ARHGAP26: variants seen among roughly 807,000 people sequenced by gnomAD.
ARHGAP26 encodes rho GTPase-activating protein 26.
In ARHGAP26, 38 loss-of-function variants were observed where a neutral mutation model predicts 104.8. That is an observed-to-expected ratio of 0.36 (90% CI 0.28 to 0.48). The LOEUF is 0.48. Among genes scored for constraint, ARHGAP26 ranks in the 20% least tolerant of loss-of-function variants. ARHGAP26 has a pLI of 0.99. For missense variants in ARHGAP26, 704 were observed against 947.9 expected (o/e 0.74, Z 3.38); for synonymous variants, 341 against 340.0 (o/e 1.00, Z -0.03).
chr5:143,038,431 G>A (rs563647326), intron 13 of ARHGAP26, among the ~76,000 whole-genome samples: 2 of 152,222 alleles, frequency 1.3e-5, no homozygotes, highest in East Asian at 1.9e-4. Context: ...AAGGCATCTT[G>A]TAAAGGTATG....
chr5:143,068,557 G>A (rs1322933766), intron 17 of ARHGAP26, among the ~76,000 whole-genome samples: 1 of 152,154 alleles, frequency 6.6e-6, no homozygotes, highest in African/African-American at 2.4e-5. Context: ...TGCTTGAGTA[G>A]TTTCTCCCTC....
At chr5:143,028,573 T>C (rs1045396579) in intron 12 of ARHGAP26, among the ~76,000 whole-genome samples, 1 of 152,206 alleles carries the variant, frequency 6.6e-6, no homozygotes, top group African/African-American at 2.4e-5. Flanking sequence ...CTAGGTAATA[T>C]TGGTCATGAT....
rs1333427438 is a variant in ARHGAP26 at position 143,014,174 on chromosome 5, G to A, written c.1144+58G>A. The stretch of plus-strand genomic sequence containing the variant: ...CAGGGTTGGGAGTAGGCTTTGAGAA[G>A]TTGCTACTCCAGGTGTGAACCACCA... On this transcript the variant is annotated intron_variant, in intron 12 of 22. Coordinates refer to ENST00000645722, the MANE Select transcript of ARHGAP26 (RefSeq NM_001135608.3). The A allele has an allele frequency of 1.1e-5, 17 of 1,592,768 alleles. No individual in the cohort carries two copies. In the Admixed American group the frequency reaches 2.8e-4, roughly 27 times the overall value.
chr5:143,120,017 A>G (rs1292324725), intron 17 of ARHGAP26, among the ~76,000 whole-genome samples: 4 of 152,210 alleles, frequency 2.6e-5, no homozygotes, highest in Non-Finnish European at 2.9e-5. Flanking sequence ...CAAACTGCCT[A>G]TCTCTACCCA....
intron 11 of ARHGAP26, among the ~76,000 whole-genome samples, chr5:142,997,573 C>A (rs1425562643): frequency 4.2e-5 from 5 of 117,866 alleles, no homozygotes; most frequent in African/African-American, 1.5e-4. Context: ...CCATGCCTGG[C>A]TGATTTTTTT....
rs190243034 is a variant in ARHGAP26, at chr5:143,074,534, C to A, written c.1538+16787C>A. On this transcript the variant is annotated intron_variant, in intron 17 of 22. Transcript: ENST00000645722. ...AAAAATGCAAAGAAGAGTAATACTT[C>A]ATGACACATGAACATTATATGAAAG... 9.8e-5 allele frequency among the ~76,000 whole-genome samples: 15 copies of A among 152,302 alleles called. 1 individual carries two copies. The East Asian group carries it at 2.9e-3, about 29-fold the overall frequency.
At position 142,871,002 on chromosome 5, in the gene ARHGAP26, G is replaced by T. The variant is rs112208446; in HGVS notation, c.155-2398G>T. Among the ~76,000 whole-genome samples, 2,713 of 152,318 alleles carry T rather than the reference G, an allele frequency of 0.018. 83 individuals are homozygous for T. Among genetic ancestry groups the T allele is most frequent in the African/African-American group, 0.061 (2,548 of 41,556 alleles). On this transcript the variant is annotated intron_variant, in intron 1 of 22. Transcript: ENST00000645722. The surrounding 1 kb of genome is among the most constrained non-coding windows in gnomAD (Gnocchi z 4.1). ...ACTGAAAAATTCCTCTATCAAGCCT[G>T]AGGTGAGTTCCTTTTTCAGGTCCAT...
At chr5:143,052,585 G>A (rs1785201396) in intron 14 of ARHGAP26, among the ~76,000 whole-genome samples, 1 of 152,128 alleles carries the variant, frequency 6.6e-6, no homozygotes, top group East Asian at 1.9e-4. Context: ...CAGGTACTGT[G>A]CCTTTGAGAG....
intron 17 of ARHGAP26, among the ~76,000 whole-genome samples, chr5:143,088,717 C>T (rs893616668): frequency 5.9e-5 from 9 of 152,182 alleles, no homozygotes; most frequent in East Asian, 3.8e-4. Flanking sequence ...CAGCGGTGAG[C>T]GCACACTTTG....
intron 1 of ARHGAP26, among the ~76,000 whole-genome samples, chr5:142,839,615 C>T (rs1770340363): frequency 6.6e-6 from 1 of 151,956 alleles, no homozygotes; most frequent in Admixed American, 6.5e-5. Flanking sequence ...AAAGAGAGAC[C>T]TCATATAGGT....
rs770042590 is a variant in ARHGAP26, at chr5:142,861,564, C to T, written c.155-11836C>T. On this transcript the variant is annotated intron_variant, in intron 1 of 22. Transcript: ENST00000645722. ...CTGTGTGGACTGACGGTGAGGAGGG[C>T]GAGAGGGAGTCAAAGTGGTAGGGGC... 3.2e-4 allele frequency among the ~76,000 whole-genome samples: 49 copies of T among 152,010 alleles called. 1 individual carries two copies. Among genetic ancestry groups the T allele is most frequent in the Middle Eastern group, 3.4e-3 (1 of 294 alleles).
intron 17 of ARHGAP26, among the ~76,000 whole-genome samples, chr5:143,079,055 T>G (rs549312464): frequency 5.9e-5 from 9 of 152,258 alleles, no homozygotes; most frequent in Non-Finnish European, 1.2e-4. Flanking sequence ...CTTTATCTTA[T>G]CATGTGTTTA....
At chr5:143,000,604 A>G (rs1457034155) in intron 11 of ARHGAP26, among the ~76,000 whole-genome samples, 3 of 152,244 alleles carry the variant, frequency 2.0e-5, no homozygotes, top group African/African-American at 7.2e-5. Context: ...ACTATTTACA[A>G]TAGCAAAGAC....
rs987907863 is a variant in ARHGAP26 at position 143,227,249 on chromosome 5, G to A, written c.*4803G>A. On this transcript the variant is annotated 3_prime_UTR_variant, in exon 23 of 23. Coordinates refer to ENST00000645722, the MANE Select transcript of ARHGAP26 (RefSeq NM_001135608.3). ...CATGTTCCCCAAGTAGGTAGCCAGC[G>A]CTGCAGAAACCAAACAGCCTCTTAG... The A allele has an allele frequency of 4.4e-6, 1 of 229,634 alleles. No homozygotes were observed. The highest frequency in any genetic ancestry group is 8.6e-6 in the Non-Finnish European group (1 of 115,886). The allele number at this position is 229,634 out of a possible 1,614,324, so 14.2% of individuals were successfully genotyped here. A position where few individuals can be genotyped will look rare whatever the true frequency, so the allele number is the denominator to read the frequency against.
chr5:143,048,775 G>A (rs555597441), intron 14 of ARHGAP26, among the ~76,000 whole-genome samples: 8 of 151,674 alleles, frequency 5.3e-5, no homozygotes, highest in South Asian at 2.1e-4. Context: ...TTAGCCAGGC[G>A]TGGTGGTGCA....
intron 7 of ARHGAP26, among the ~76,000 whole-genome samples, chr5:142,902,986 G>A (rs1410641356): frequency 6.6e-6 from 1 of 152,196 alleles, no homozygotes; most frequent in African/African-American, 2.4e-5. Flanking sequence ...AGGCTCTGGA[G>A]CTGGGATGAT....
At chr5:142,809,919 T>A (rs891697493) in intron 1 of ARHGAP26, among the ~76,000 whole-genome samples, 1 of 152,216 alleles carries the variant, frequency 6.6e-6, no homozygotes, top group Non-Finnish European at 1.5e-5. Flanking sequence ...GGATCTTACA[T>A]TGGACTGGTG....
chr5:142,972,558 A>G (rs1049957677), intron 11 of ARHGAP26, among the ~76,000 whole-genome samples: 3 of 152,144 alleles, frequency 2.0e-5, no homozygotes, highest in African/African-American at 7.2e-5. Flanking sequence ...TGTTTAAGGC[A>G]TACAACATGA....
At chr5:143,046,570 T>A (rs1178856176) in intron 14 of ARHGAP26, among the ~76,000 whole-genome samples, 1 of 152,222 alleles carries the variant, frequency 6.6e-6, no homozygotes, top group African/African-American at 2.4e-5. Context: ...AAGTCATTAG[T>A]CTTTAGAGAG....
Sources: allele counts gnomAD v4.1 joint callset (sites outside exome capture counted in the v4.1 genomes callset), GRCh38; gene constraint gnomAD v4.1.1; non-coding constraint Gnocchi (gnomAD v3.1); transcripts MANE v1.5; gene names NCBI Gene and HGNC (gene_info 2026-07-23, HGNC 2026-07-21).